LTBP1: variants seen among roughly 807,000 people sequenced by gnomAD.
LTBP1 encodes latent transforming growth factor beta binding protein 1, also known as latent-transforming growth factor beta-binding protein 1.
Under a neutral mutation model 207.6 loss-of-function variants are expected in LTBP1, and 129 were observed. The observed-to-expected ratio is 0.62, with a 90% CI of 0.54 to 0.72. LTBP1 has a LOEUF of 0.72. Among genes scored for constraint, LTBP1 ranks in the 30% least tolerant of loss-of-function variants. The pLI is 0.00. For synonymous variants in LTBP1, 963 were observed against 833.7 expected, an observed-to-expected ratio of 1.16 and a Z score of -2.67; for missense variants, 2,281 against 2,217.2, an observed-to-expected ratio of 1.03 and a Z score of -0.58.
At chr2:32,997,313 C>A (rs1685439475) in intron 2 of LTBP1, among the ~76,000 whole-genome samples, 1 of 151,906 alleles carries the variant, frequency 6.6e-6, no homozygotes. Flanking sequence ...GAGTTTGAGA[C>A]CAGCTGGGCA....
chr2:33,269,837 T>C (rs1431424179), intron 15 of LTBP1, among the ~76,000 whole-genome samples: 2 of 152,156 alleles, frequency 1.3e-5, no homozygotes, highest in African/African-American at 4.8e-5. Flanking sequence ...ACTTGTGTAC[T>C]GTCTATGTGC....
In LTBP1 at chr2:33,365,363, A is replaced by G; in HGVS notation, c.4571A>G (p.Asp1524Gly). The change falls in exon 31 of 34, where the codon GAT becomes GGT. Residue 1524 changes from aspartate (D) to glycine (G), a missense_variant. Transcript: ENST00000404816. ...EQIEETDVYQ[D>G]LCWEHLSDEY... ...ATAGAAGAAACTGATGTCTACCAAG[A>G]TTTGTGCTGGGAACATCTGAGTGAT... 1 of 1,614,166 alleles carries G rather than the reference A, an allele frequency of 6.2e-7. No individual in the cohort carries two copies. The highest frequency in any genetic ancestry group is 1.3e-5 in the African/African-American group (1 of 75,056).
chr2:33,275,681 T>C lies in LTBP1; in HGVS notation c.2870-120T>C, dbSNP rs1438018490. 3 of 1,293,232 alleles carry C rather than the reference T, an allele frequency of 2.3e-6. No individual in the cohort carries two copies. The African/African-American group carries it at 4.4e-5, about 19-fold the overall frequency. The allele number at this position is 1,293,232 out of a possible 1,614,324, so 80.1% of individuals were successfully genotyped here. ...CCTGGGCAACAAGAGCGAAACTCCA[T>C]CTCAAAAAAAAAAAGAAATCAGTTA... On this transcript the variant is annotated intron_variant, in intron 17 of 33. Transcript: ENST00000404816.
chr2:33,120,033 C>G (rs962316119), intron 4 of LTBP1, among the ~76,000 whole-genome samples: 6 of 151,912 alleles, frequency 3.9e-5, no homozygotes, highest in Non-Finnish European at 7.4e-5. Flanking sequence ...TAATACATGA[C>G]TGGAGAACAA....
intron 19 of LTBP1, among the ~76,000 whole-genome samples, chr2:33,280,388 A>T (rs911395395): frequency 1.3e-5 from 2 of 152,228 alleles, no homozygotes; most frequent in Non-Finnish European, 2.9e-5. Flanking sequence ...AAACAAACTG[A>T]TATTCCTAAT....
chr2:33,206,076 T>C (rs2089847166), intron 7 of LTBP1, among the ~76,000 whole-genome samples: 1 of 152,144 alleles, frequency 6.6e-6, no homozygotes, highest in East Asian at 1.9e-4. Flanking sequence ...ATCTAACACA[T>C]AGTTTTGGAG....
intron 3 of LTBP1, among the ~76,000 whole-genome samples, chr2:33,083,823 CAGA>C (rs2078590717): frequency 6.6e-6 from 1 of 152,198 alleles, no homozygotes; most frequent in African/African-American, 2.4e-5. Context: ...AAGGAAGTTA[CAGA>C]AGGTTATTCA....
chr2:32,974,049 C>T (rs893246262), intron 2 of LTBP1, among the ~76,000 whole-genome samples: 50 of 152,300 alleles, frequency 3.3e-4, no homozygotes, highest in African/African-American at 1.2e-3. Context: ...GTAAATAGTG[C>T]TGCTTCAAAC....
At chr2:33,161,619 G>A (rs1303479048) in intron 5 of LTBP1, among the ~76,000 whole-genome samples, 2 of 152,148 alleles carry the variant, frequency 1.3e-5, no homozygotes, top group African/African-American at 2.4e-5. Context: ...AAACAAATGA[G>A]CACATGAAAG....
chr2:33,216,167 C>T (rs61403293), intron 7 of LTBP1, among the ~76,000 whole-genome samples: 4,597 of 152,194 alleles, frequency 0.03, 96 homozygotes, highest in Middle Eastern at 0.14. Flanking sequence ...AAGATACATA[C>T]GCATTTAACA....
At chr2:33,254,546 T>C (rs576063383) in intron 11 of LTBP1, among the ~76,000 whole-genome samples, 163 of 111,054 alleles carry the variant, frequency 1.5e-3, no homozygotes, top group Admixed American at 3.8e-3. Flanking sequence ...TTCTTTAAAC[T>C]TGGTTTTTTT....
intron 20 of LTBP1, among the ~76,000 whole-genome samples, chr2:33,296,540 G>A (rs930872073): frequency 2.6e-5 from 4 of 152,012 alleles, no homozygotes; most frequent in African/African-American, 9.7e-5. Context: ...TAAAATTAGG[G>A]GATCAGACTC....
rs530055830 is a variant in LTBP1, at chr2:33,098,723, G to A, written c.864-11859G>A. ...CAAAGTGCTGAGATTACAGGTGTGAGCCACCGCGCCTGGCCCACAAATGAT... is the reference window on the plus strand; with the variant it reads ...CAAAGTGCTGAGATTACAGGTGTGAACCACCGCGCCTGGCCCACAAATGAT... On this transcript the variant is annotated intron_variant, in intron 3 of 33. Coordinates refer to ENST00000404816, the MANE Select transcript of LTBP1 (RefSeq NM_206943.4). 3.3e-5 allele frequency among the ~76,000 whole-genome samples: 5 copies of A among 152,278 alleles called. No individual in the cohort carries two copies. In the South Asian group the frequency reaches 6.2e-4, roughly 19 times the overall value.
At chr2:32,950,388 CTCT>C (rs1676918459) in intron 2 of LTBP1, among the ~76,000 whole-genome samples, 1 of 152,018 alleles carries the variant, frequency 6.6e-6, no homozygotes, top group African/African-American at 2.4e-5. Flanking sequence ...AAAACCCCAT[CTCT>C]ACTAAAAATA....
chr2:33,333,231 G>GTT (rs71975994), intron 24 of LTBP1, among the ~76,000 whole-genome samples: 1 of 149,036 alleles, frequency 6.7e-6, no homozygotes, highest in African/African-American at 2.5e-5. Context: ...AATTTGTAGA[G>GTT]TTTTTTTTTT....
chr2:33,218,633 G>A (rs2090891504), intron 8 of LTBP1, among the ~76,000 whole-genome samples: 1 of 152,162 alleles, frequency 6.6e-6, no homozygotes, highest in African/African-American at 2.4e-5. Context: ...CTAACCTCAG[G>A]TGATCTGCCT....
At chr2:33,022,846 T>G (rs2075240672) in intron 3 of LTBP1, among the ~76,000 whole-genome samples, 1 of 152,220 alleles carries the variant, frequency 6.6e-6, no homozygotes, top group Non-Finnish European at 1.5e-5. Context: ...TTTATGGACA[T>G]TGAAATTTGA....
At chr2:33,207,628 A>G (rs1015655631) in intron 7 of LTBP1, among the ~76,000 whole-genome samples, 4 of 152,244 alleles carry the variant, frequency 2.6e-5, no homozygotes, top group Non-Finnish European at 5.9e-5. Context: ...TTATGAGACA[A>G]TGCCTGTTAC....
At chr2:33,214,134 C>T (rs943997813) in intron 7 of LTBP1, among the ~76,000 whole-genome samples, 4 of 152,158 alleles carry the variant, frequency 2.6e-5, no homozygotes, top group African/African-American at 4.8e-5. Flanking sequence ...GAATGATCTG[C>T]ATATGATGTG....
Sources: allele counts gnomAD v4.1 joint callset (sites outside exome capture counted in the v4.1 genomes callset), GRCh38; gene constraint gnomAD v4.1.1; transcripts MANE v1.5; gene names NCBI Gene and HGNC (gene_info 2026-07-23, HGNC 2026-07-21).